GDI2: variants seen among roughly 807,000 people sequenced by gnomAD.
GDI2 encodes GDP dissociation inhibitor 2, also known as rab GDP dissociation inhibitor beta.
GDI2 carries 22 observed loss-of-function variants against 54.2 expected under a neutral mutation model. The ratio of observed to expected loss-of-function variants is 0.41; its 90% confidence interval spans 0.29 to 0.58. The LOEUF (loss-of-function observed/expected upper bound fraction) is 0.58. Among genes scored for constraint, GDI2 ranks in the 20% least tolerant of loss-of-function variants. The pLI, the probability that GDI2 is intolerant of heterozygous loss-of-function variation, is 0.35. For synonymous variants in GDI2, 177 were observed against 182.1 expected (o/e 0.97, Z 0.23); for missense variants, 422 against 546.0 (o/e 0.77, Z 2.26).
chr10:5,793,117 C>T (rs1375976167), intron 4 of GDI2, among the ~76,000 whole-genome samples: 1 of 152,150 alleles, frequency 6.6e-6, no homozygotes, highest in African/African-American at 2.4e-5. Context: ...GCCTCAGCCT[C>T]CACAATACCT....
chr10:5,781,255 TA>T (rs1450606802), intron 6 of GDI2, among the ~76,000 whole-genome samples: 1 of 135,868 alleles, frequency 7.4e-6, no homozygotes, highest in Non-Finnish European at 1.6e-5. Context: ...AATGCACAGA[TA>T]AAATTATAAA....
At chr10:5,806,419 C>T (rs201769373) in intron 1 of GDI2, among the ~76,000 whole-genome samples, 1 of 148,006 alleles carries the variant, frequency 6.8e-6, no homozygotes, top group Non-Finnish European at 1.5e-5. Context: ...AAAAAAAAAA[C>T]AAAAAAACGT....
intron 1 of GDI2, among the ~76,000 whole-genome samples, chr10:5,806,741 A>G (rs1488100135): frequency 6.6e-6 from 1 of 152,234 alleles, no homozygotes; most frequent in Admixed American, 6.5e-5. Flanking sequence ...CAGCACCAAC[A>G]TATAGTTCCA....
chr10:5,796,386 A>T (rs537169444), intron 3 of GDI2, among the ~76,000 whole-genome samples: 1 of 152,260 alleles, frequency 6.6e-6, no homozygotes, highest in East Asian at 1.9e-4. Context: ...AGATCCTCTA[A>T]AATTAAAAAA....
intron 6 of GDI2, among the ~76,000 whole-genome samples, chr10:5,783,836 G>T (rs1840812684): frequency 6.6e-6 from 1 of 152,082 alleles, no homozygotes; most frequent in South Asian, 2.1e-4. Flanking sequence ...TCCTTTATAG[G>T]TTACCTGAGG....
chr10:5,800,322 G>C (rs141018645), intron 2 of GDI2, among the ~76,000 whole-genome samples: 1 of 152,084 alleles, frequency 6.6e-6, no homozygotes, highest in Non-Finnish European at 1.5e-5. Flanking sequence ...AAAGCCATGA[G>C]GAAAGCACTG....
chr10:5,781,826 C>T (rs1220770210), intron 6 of GDI2, among the ~76,000 whole-genome samples: 1 of 151,846 alleles, frequency 6.6e-6, no homozygotes, highest in Non-Finnish European at 1.5e-5. Context: ...CCAGCCTGTT[C>T]AATAACGGCA....
intron 4 of GDI2, among the ~76,000 whole-genome samples, chr10:5,794,361 T>C (rs1262657399): frequency 6.6e-6 from 1 of 151,240 alleles, no homozygotes; most frequent in African/African-American, 2.4e-5. Context: ...AGGGTAAGCT[T>C]AGTAACATGA....
chr10:5,791,468 C>A (rs1224112734), intron 4 of GDI2, among the ~76,000 whole-genome samples: 1 of 151,980 alleles, frequency 6.6e-6, no homozygotes, highest in South Asian at 2.1e-4. Context: ...AAAATTATGG[C>A]CAGGCACAGT....
intron 8 of GDI2, among the ~76,000 whole-genome samples, chr10:5,767,158 T>C (rs901583043): frequency 3.3e-5 from 5 of 151,468 alleles, no homozygotes; most frequent in African/African-American, 9.7e-5. Context: ...ATTTCCAGGA[T>C]AGAAAATCAT....
At chr10:5,799,247 G>C (rs1017181408) in intron 2 of GDI2, among the ~76,000 whole-genome samples, 3 of 152,176 alleles carry the variant, frequency 2.0e-5, no homozygotes, top group African/African-American at 7.2e-5. Flanking sequence ...TGATACAGGA[G>C]GATCGTTTGA....
intron 1 of GDI2, among the ~76,000 whole-genome samples, chr10:5,802,763 CAG>C (rs1402811974): frequency 6.6e-6 from 1 of 152,188 alleles, no homozygotes; most frequent in Non-Finnish European, 1.5e-5. Context: ...CCACTTTACT[CAG>C]AGTAAACCTT....
At chr10:5,773,977 A>C (rs1335848827) in intron 6 of GDI2, 36 bp from the exon 7 acceptor site, 1 of 858,780 alleles carries the variant, frequency 1.2e-6, no homozygotes, top group Admixed American at 2.2e-5. Context: ...AATAATATAT[A>C]GTTGTTTCAA....
At chr10:5,783,009 A>G (rs1364319355) in intron 6 of GDI2, among the ~76,000 whole-genome samples, 1 of 152,196 alleles carries the variant, frequency 6.6e-6, no homozygotes, top group Non-Finnish European at 1.5e-5. Flanking sequence ...ATGAGAACAT[A>G]TTGTATTATT....
chr10:5,775,487 G>A (rs879318650), intron 6 of GDI2, among the ~76,000 whole-genome samples: 2 of 152,186 alleles, frequency 1.3e-5, no homozygotes, highest in African/African-American at 2.4e-5. Context: ...AATGCCTGCA[G>A]TCCTATTGAT....
rs545203854 is a variant in GDI2 at position 5,774,787 on chromosome 10, T to C, written c.720-846A>G. The stretch of plus-strand genomic sequence containing the variant: ...TTTCCCAAAACCCCACACTGTCTAT[T>C]CTCCTGTTTTTCCTTGTGTGTGTGT... On this transcript the variant is annotated intron_variant, in intron 6 of 10. Coordinates refer to ENST00000380191, the MANE Select transcript of GDI2 (RefSeq NM_001494.4). The surrounding 1 kb of genome is among the most constrained non-coding windows in gnomAD (Gnocchi z 4.8). Among the ~76,000 whole-genome samples, 90 of 152,220 alleles carry C rather than the reference T, an allele frequency of 5.9e-4. No homozygotes were observed. The highest frequency in any genetic ancestry group is 2.0e-3 in the African/African-American group (82 of 41,536).
At chr10:5,788,270 A>ATCACAGG (rs1341056235) in intron 4 of GDI2, among the ~76,000 whole-genome samples, 1 of 152,098 alleles carries the variant, frequency 6.6e-6, no homozygotes, top group East Asian at 1.9e-4. Context: ...AAAGTGTGGA[A>ATCACAGG]TCACAGGTGT....
intron 4 of GDI2, among the ~76,000 whole-genome samples, chr10:5,793,564 T>C (rs1197759765): frequency 2.0e-5 from 3 of 152,160 alleles, no homozygotes; most frequent in South Asian, 2.1e-4. Flanking sequence ...CAGAAGTTAA[T>C]AGAGGAAACT....
In GDI2 at chr10:5,766,401, G is replaced by A. The variant is rs1021966104; in HGVS notation, c.1136+93C>T. The A allele has an allele frequency of 6.6e-7, 1 of 1,516,118 alleles. No individual in the cohort carries two copies. The highest frequency in any genetic ancestry group is 9.2e-7 in the Non-Finnish European group (1 of 1,091,222). 93.9% of individuals were successfully genotyped at this position (1,516,118 alleles called of 1,614,324 possible). A position where few individuals can be genotyped will look rare whatever the true frequency, so the allele number is the denominator to read the frequency against. ...GATGAATCCCACAGAGCAGCCAGCAGCTACCTGCCTTGCCCTCACATTCGT... is the reference window on the plus strand; with the variant it reads ...GATGAATCCCACAGAGCAGCCAGCAACTACCTGCCTTGCCCTCACATTCGT... On this transcript the variant is annotated intron_variant, in intron 9 of 10. Coordinates refer to ENST00000380191, the MANE Select transcript of GDI2 (RefSeq NM_001494.4). The surrounding 1 kb of genome is among the most constrained non-coding windows in gnomAD (Gnocchi z 5.8).
Sources: allele counts gnomAD v4.1 joint callset (sites outside exome capture counted in the v4.1 genomes callset), GRCh38; gene constraint gnomAD v4.1.1; non-coding constraint Gnocchi (gnomAD v3.1); transcripts MANE v1.5; gene names NCBI Gene and HGNC (gene_info 2026-07-23, HGNC 2026-07-21).